Variants in ADGRV1 observed in about 807,000 individuals in gnomAD.
The protein encoded by ADGRV1 is G-protein coupled receptor 98.
Under a neutral mutation model 596.2 loss-of-function variants are expected in ADGRV1, and 359 were observed. The observed-to-expected ratio is 0.60, with a 90% CI of 0.55 to 0.66. ADGRV1 has a LOEUF of 0.66. ADGRV1 is among the 30% of genes least tolerant of loss of function. The pLI is 0.00. For synonymous variants in ADGRV1, 2,681 were observed against 2,679.2 expected (o/e 1.00, Z -0.02); for missense variants, 7,274 against 7,575.6 (o/e 0.96, Z 1.48).
chr5:90,933,636 A>G (rs1775439217), intron 83 of ADGRV1, among the ~76,000 whole-genome samples: 1 of 152,094 alleles, frequency 6.6e-6, no homozygotes, highest in Non-Finnish European at 1.5e-5. Context: ...TTTTCAGAGA[A>G]TCTCTCTAAC....
chr5:90,631,550 T>C (rs115976468), intron 9 of ADGRV1, among the ~76,000 whole-genome samples: 2,365 of 152,272 alleles, frequency 0.016, 51 homozygotes, highest in African/African-American at 0.053. Context: ...TTTATTATTA[T>C]TAATTTTTGT....
chr5:90,974,071 C>T (rs1253216282), intron 84 of ADGRV1, among the ~76,000 whole-genome samples: 4 of 151,984 alleles, frequency 2.6e-5, no homozygotes, highest in Admixed American at 1.3e-4. Context: ...AAACAGAGAG[C>T]CAAATCATGA....
Position 90,810,466 on chromosome 5 carries a change from A to G in ADGRV1, c.15206A>G (p.Gln5069Arg). The change falls in exon 74 of 90, where the codon CAA (glutamine) becomes CGA (arginine). Residue 5069 changes from glutamine to arginine, a missense_variant. Gln to Arg is a conservative substitution (Grantham distance 43). Coordinates refer to ENST00000405460, the MANE Select transcript of ADGRV1 (RefSeq NM_032119.4). ...QNGELFFQKF[Q>R]TEVDFEITII... ...GGGGAACTGTTTTTTCAAAAATTCC[A>G]AACTGAGGTTGATTTTGAAATAACC... The G allele has an allele frequency of 6.2e-7, 1 of 1,613,964 alleles. No homozygotes were observed. The highest frequency in any genetic ancestry group is 8.5e-7 in the Non-Finnish European group (1 of 1,179,848).
At chr5:91,029,054 TC>T (rs1445275471) in intron 85 of ADGRV1, among the ~76,000 whole-genome samples, 2 of 152,116 alleles carry the variant, frequency 1.3e-5, no homozygotes, top group Non-Finnish European at 2.9e-5. Context: ...AGAACTTTTT[TC>T]TTTAGGGTTT....
chr5:90,823,702 C>T (rs1453269774), intron 76 of ADGRV1, 106 bp downstream of exon 76: 16 of 996,928 alleles, frequency 1.6e-5, no homozygotes, highest in Non-Finnish European at 2.2e-5. Context: ...TAGGGAGATT[C>T]TTTGTGTTTT....
At chr5:90,700,242 C>T (rs1164577638) in intron 34 of ADGRV1, among the ~76,000 whole-genome samples, 3 of 152,074 alleles carry the variant, frequency 2.0e-5, no homozygotes, top group Non-Finnish European at 4.4e-5. Context: ...ATAATTGTGC[C>T]ATGTGAGCTT....
intron 1 of ADGRV1, among the ~76,000 whole-genome samples, chr5:90,588,785 G>C (rs142731323): frequency 2.2e-4 from 34 of 152,338 alleles, no homozygotes; most frequent in African/African-American, 8.2e-4. Context: ...AGAAGTAGCT[G>C]AAGTTAGGGA....
intron 77 of ADGRV1, among the ~76,000 whole-genome samples, chr5:90,834,266 G>T (rs1305769494): frequency 6.6e-6 from 1 of 152,036 alleles, no homozygotes; most frequent in African/African-American, 2.4e-5. Flanking sequence ...ATTTCTTATT[G>T]CTTATTAATA....
intron 21 of ADGRV1, among the ~76,000 whole-genome samples, chr5:90,668,381 C>T (rs927909077): frequency 6.1e-5 from 8 of 130,278 alleles, no homozygotes; most frequent in Admixed American, 5.2e-4. Context: ...TTCCAGGTGC[C>T]GTCCGTCACC....
rs777721900 is a variant in ADGRV1 at position 90,753,595 on chromosome 5, G to T, written c.11143G>T (p.Val3715Leu). The T allele has an allele frequency of 5.6e-6, 9 of 1,608,170 alleles. No individual in the cohort carries two copies. In the Admixed American group the frequency reaches 1.3e-4, roughly 24 times the overall value. ...CTAGATTTTATTTACTGAAGGCCAG[G>T]TACTGTCAACAATCACTCTAACTAT... is the stretch of plus-strand genomic sequence containing the variant. ...SGVILFTEGQ[V>L]LSTITLTILA... The change falls in exon 54 of 90, where the codon GTA (valine) becomes TTA (leucine). Residue 3715 changes from valine to leucine, a missense_variant. By Grantham distance (32) the Val-to-Leu change is conservative. This residue lies in a region of ADGRV1 where 3,643 missense variants were observed against 3,809.2 expected (regional missense o/e 0.96). Transcript: ENST00000405460.
At position 90,693,789 on chromosome 5, in the gene ADGRV1, A is replaced by G. The variant is rs371588625; in HGVS notation, c.7134-101A>G. On this transcript the variant is annotated intron_variant, in intron 32 of 89. Transcript: ENST00000405460. ...TTGTGTTTGTACTATGACTTTAAAC[A>G]TTTTTTTAAAAAACTAAAGACCACA... is the stretch of plus-strand genomic sequence containing the variant. 1.8e-5 allele frequency: 16 copies of G among 880,898 alleles called. No individual in the cohort carries two copies. The South Asian group carries it at 2.9e-4, about 16-fold the overall frequency. 54.6% of individuals were successfully genotyped at this position (880,898 alleles called of 1,614,324 possible).
chr5:90,614,923 ACAAACTGAATTTGTTGTTAATG>A lies in ADGRV1; in HGVS notation c.112_133del (p.Gln38LysfsTer14). Reference sequence around the variant, plus strand: ...GAGAAACAGAAATAAGATTTACTGGACAAACTGAATTTGTTGTTAATGAAACAAGTACAACAGTTATTCGTCT... The same window carrying A: ...GAGAAACAGAAATAAGATTTACTGGAAAACAAGTACAACAGTTATTCGTCT... On this transcript the variant is annotated frameshift_variant, in exon 2 of 90. Transcript: ENST00000405460. LOFTEE classifies it high-confidence loss of function. 1 of 1,604,516 alleles carries A rather than the reference ACAAACTGAATTTGTTGTTAATG, an allele frequency of 6.2e-7. No homozygotes were observed. The highest frequency in any genetic ancestry group is 8.5e-7 in the Non-Finnish European group (1 of 1,174,280).
intron 87 of ADGRV1, among the ~76,000 whole-genome samples, chr5:91,125,431 T>A (rs1036888549): frequency 6.6e-6 from 1 of 152,162 alleles, no homozygotes. Context: ...GTCTGGAGCA[T>A]CACAGCACAG....
chr5:90,724,953 T>C lies in ADGRV1; in HGVS notation c.9870T>C (p.Thr3290=). 6.2e-7 allele frequency: 1 copy of C among 1,606,156 alleles called. No homozygotes were observed. Among genetic ancestry groups the C allele is most frequent in the Non-Finnish European group, 8.5e-7 (1 of 1,176,684 alleles). ...YGIMLRKSSV[T]VYRWQGIFIP... ...TAATGTTAAGAAAATCATCTGTTAC[T>C]GTTTACCGATGGCAGGGGATTTTTA... Residue 3290 remains threonine (T), a synonymous_variant, in exon 46 of 90, where the codon ACT becomes ACC. Coordinates refer to ENST00000405460, the MANE Select transcript of ADGRV1 (RefSeq NM_032119.4).
At position 90,840,749 on chromosome 5, in the gene ADGRV1, T is replaced by C; in HGVS notation, c.16783T>C (p.Phe5595Leu). 1.9e-6 allele frequency: 3 copies of C among 1,614,022 alleles called. No homozygotes were observed. The highest frequency in any genetic ancestry group is 2.5e-6 in the Non-Finnish European group (3 of 1,179,886). The change falls in exon 78 of 90, where the codon TTC (phenylalanine) becomes CTC (leucine). Residue 5595 changes from phenylalanine (F) to leucine (L), a missense_variant. This residue lies in a region of ADGRV1 where 1,874 missense variants were observed against 1,970.2 expected (regional missense o/e 0.95). Coordinates refer to ENST00000405460, the MANE Select transcript of ADGRV1 (RefSeq NM_032119.4). ...TGSLNSFPKR[F>L]QIVLFDPKGG... Reference sequence around the variant, plus strand: ...ATCTTTAAATTCATTTCCTAAACGCTTCCAGATTGTCCTTTTTGACCCAAA... The same window carrying C: ...ATCTTTAAATTCATTTCCTAAACGCCTCCAGATTGTCCTTTTTGACCCAAA...
intron 74 of ADGRV1, among the ~76,000 whole-genome samples, chr5:90,811,921 A>G (rs1174248802): frequency 2.0e-5 from 3 of 147,646 alleles, no homozygotes; most frequent in African/African-American, 4.9e-5. Flanking sequence ...CTCTGAAATC[A>G]TACTGTATTT....
intron 85 of ADGRV1, among the ~76,000 whole-genome samples, chr5:91,037,249 G>A (rs1784986213): frequency 6.6e-6 from 1 of 152,156 alleles, no homozygotes; most frequent in African/African-American, 2.4e-5. Flanking sequence ...TATCTTTTCA[G>A]TAGAAGGACA....
At chr5:91,024,768 C>T (rs1218070300) in intron 85 of ADGRV1, among the ~76,000 whole-genome samples, 1 of 152,090 alleles carries the variant, frequency 6.6e-6, no homozygotes, top group Non-Finnish European at 1.5e-5. Flanking sequence ...TCTTTCTTTT[C>T]AGTAGAAGGC....
intron 83 of ADGRV1, among the ~76,000 whole-genome samples, chr5:90,949,832 C>T (rs1776909061): frequency 6.6e-6 from 1 of 151,852 alleles, no homozygotes; most frequent in Non-Finnish European, 1.5e-5. Context: ...GCCCAACCCT[C>T]TTATTTTAAA....
Sources: allele counts gnomAD v4.1 joint callset (sites outside exome capture counted in the v4.1 genomes callset), GRCh38; gene constraint gnomAD v4.1.1; regional missense constraint gnomAD v4.1.1; transcripts MANE v1.5; gene names NCBI Gene and HGNC (gene_info 2026-07-23, HGNC 2026-07-21).